Variants in LMO7 observed in about 807,000 individuals in gnomAD.
LMO7 encodes the protein LIM domain 7.
A neutral mutation model predicts 206.5 loss-of-function variants in LMO7; 120 were observed. The ratio of observed to expected loss-of-function variants is 0.58; its 90% CI spans 0.50 to 0.68. LMO7 has a LOEUF of 0.68. LMO7 is among the 30% of genes least tolerant of loss of function. LMO7 has a pLI of 0.00. For missense variants in LMO7, 1,959 were observed against 1,957.9 expected, an observed-to-expected ratio of 1.00 and a Z score of -0.01; for synonymous variants, 706 against 681.5, an observed-to-expected ratio of 1.04 and a Z score of -0.56.
chr13:75,700,030 G>A (rs1053467241), intron 1 of LMO7, among the ~76,000 whole-genome samples: 8 of 152,168 alleles, frequency 5.3e-5, no homozygotes, highest in African/African-American at 9.7e-5. Flanking sequence ...TCTCCTATTC[G>A]CTTTTACAAG....
At chr13:75,826,147 C>T (rs1334282003) in intron 15 of LMO7, among the ~76,000 whole-genome samples, 1 of 151,974 alleles carries the variant, frequency 6.6e-6, no homozygotes, top group Non-Finnish European at 1.5e-5. Context: ...CTGAAGCAAT[C>T]CTCCCACCTT....
chr13:75,787,921 A>C (rs1364788294), intron 4 of LMO7, among the ~76,000 whole-genome samples: 1 of 152,228 alleles, frequency 6.6e-6, no homozygotes, highest in Non-Finnish European at 1.5e-5. Context: ...TTTTATTCAC[A>C]TATCTCTTGT....
chr13:75,847,144 T>C (rs2060069030), intron 26 of LMO7, among the ~76,000 whole-genome samples: 1 of 152,160 alleles, frequency 6.6e-6, no homozygotes, highest in African/African-American at 2.4e-5. Context: ...TGCTCATTGC[T>C]TAGTGGAAGA....
chr13:75,726,965 G>C lies in LMO7; in HGVS notation c.141-64G>C, dbSNP rs114238530. 2,700 of 888,414 alleles carry C rather than the reference G, an allele frequency of 3.0e-3. 36 individuals are homozygous for C. In the African/African-American group the frequency reaches 0.04, roughly 13 times the overall value. 55.0% of individuals were successfully genotyped at this position (888,414 alleles called of 1,614,324 possible). A position where few individuals can be genotyped will look rare whatever the true frequency, so the allele number is the denominator to read the frequency against. On this transcript the variant is annotated intron_variant, in intron 2 of 30. Coordinates refer to ENST00000377534, the MANE Select transcript of LMO7 (RefSeq NM_001306080.2). Reference sequence around the variant, plus strand: ...GAATAGTGATATATGTGATTTTTGAGAATGCTAACAAAAAACCTGATATTG... The same window carrying C: ...GAATAGTGATATATGTGATTTTTGACAATGCTAACAAAAAACCTGATATTG...
intron 4 of LMO7, among the ~76,000 whole-genome samples, chr13:75,772,731 A>G (rs548029414): frequency 1.3e-5 from 2 of 152,246 alleles, no homozygotes; most frequent in African/African-American, 4.8e-5. Context: ...CAGACATGGT[A>G]ATAAGGAAGT....
chr13:75,633,120 C>T (rs2138848166), upstream of LMO7, among the ~76,000 whole-genome samples: 1 of 152,206 alleles, frequency 6.6e-6, no homozygotes, highest in Middle Eastern at 3.4e-3. Flanking sequence ...GCCTCGGCCT[C>T]CCAAAGCGCT....
upstream of LMO7, chr13:75,632,135 T>G (rs1240552659): frequency 6.6e-6 from 1 of 152,214 alleles, no homozygotes; most frequent in African/African-American, 2.4e-5. Context: ...TTTTGATGTT[T>G]TATTGTTGTG....
At chr13:75,737,772 T>TGAAAA (rs1297459603) in intron 3 of LMO7, among the ~76,000 whole-genome samples, 1 of 5,810 alleles carries the variant, frequency 1.7e-4, no homozygotes. Flanking sequence ...AAAAATAAAA[T>TGAAAA]AAAATAAAAT....
At chr13:75,830,727 A>G (rs1055466010) in intron 15 of LMO7, among the ~76,000 whole-genome samples, 2 of 152,192 alleles carry the variant, frequency 1.3e-5, no homozygotes, top group African/African-American at 4.8e-5. Flanking sequence ...TAGTATGTCC[A>G]ATCTAATAGA....
At chr13:75,673,868 A>G (rs2039793520) in intron 1 of LMO7, among the ~76,000 whole-genome samples, 1 of 152,226 alleles carries the variant, frequency 6.6e-6, no homozygotes, top group Non-Finnish European at 1.5e-5. Context: ...TTTTGTATGT[A>G]TGTTTTAAAG....
At chr13:75,713,318 G>A (rs2043271692) in intron 2 of LMO7, 66 bp downstream of exon 2, 3 of 1,195,752 alleles carry the variant, frequency 2.5e-6, no homozygotes, top group Admixed American at 2.0e-5. Flanking sequence ...GAGTGATGAG[G>A]TGTTTGGCTC....
intron 1 of LMO7, among the ~76,000 whole-genome samples, chr13:75,662,090 G>A (rs1376740502): frequency 1.3e-5 from 2 of 152,266 alleles, no homozygotes; most frequent in African/African-American, 4.8e-5. Context: ...TCAGTCATAT[G>A]TTAAACTTTA....
chr13:75,709,324 T>G lies in LMO7; in HGVS notation c.70-3858T>G, dbSNP rs553206900. ...TTGGGTATATACCCAGTAATGGGAT[T>G]GCTGGGTCAAATGGTATTTCTACTT... On this transcript the variant is annotated intron_variant, in intron 1 of 30. Transcript: ENST00000377534. 9.5e-4 allele frequency among the ~76,000 whole-genome samples: 145 copies of G among 152,322 alleles called. 1 individual carries two copies. The highest frequency in any genetic ancestry group is 3.4e-3 in the African/African-American group (142 of 41,550).
chr13:75,752,447 A>C (rs2047349348), intron 3 of LMO7, among the ~76,000 whole-genome samples: 1 of 152,146 alleles, frequency 6.6e-6, no homozygotes, highest in African/African-American at 2.4e-5. Flanking sequence ...AACATTTAAA[A>C]AAATTTATAT....
intron 1 of LMO7, among the ~76,000 whole-genome samples, chr13:75,691,529 C>T (rs912835327): frequency 2.0e-5 from 3 of 152,126 alleles, no homozygotes; most frequent in African/African-American, 7.2e-5. Flanking sequence ...CCCATGCTTC[C>T]TCCTGGGCCT....
In LMO7 at chr13:75,823,863, C is replaced by G; in HGVS notation, c.2939C>G (p.Ser980Ter). Reference sequence around the variant, plus strand: ...GAAATCTCCCCACAAAGAGAAGTCTCAAGATCCCAGGTGAGTTTGGAAAAG... The same window carrying G: ...GAAATCTCCCCACAAAGAGAAGTCTGAAGATCCCAGGTGAGTTTGGAAAAG... ...EGEISPQREV[S>*]RSQDQFSDMR... The change falls in exon 15 of 31, where the codon TCA becomes TGA. Residue 980 changes from serine (S) to a stop codon, truncating the protein, a stop_gained. Coordinates refer to ENST00000377534, the MANE Select transcript of LMO7 (RefSeq NM_001306080.2). LOFTEE classifies it high-confidence loss of function. 6.2e-7 allele frequency: 1 copy of G among 1,613,528 alleles called. No individual in the cohort carries two copies.
intron 1 of LMO7, among the ~76,000 whole-genome samples, chr13:75,686,356 G>C (rs114594426): frequency 2.8e-4 from 42 of 152,134 alleles, no homozygotes; most frequent in Middle Eastern, 3.4e-3. Flanking sequence ...ATCAGATCTC[G>C]TGAGACTTAA....
intron 1 of LMO7, among the ~76,000 whole-genome samples, chr13:75,683,013 T>C (rs1456688666): frequency 2.0e-5 from 3 of 152,182 alleles, no homozygotes; most frequent in South Asian, 4.1e-4. Flanking sequence ...ACAAGTCTTT[T>C]ATCAGATATG....
At chr13:75,837,682 C>T (rs1436290840) in intron 19 of LMO7, among the ~76,000 whole-genome samples, 1 of 151,922 alleles carries the variant, frequency 6.6e-6, no homozygotes, top group African/African-American at 2.4e-5. Flanking sequence ...TTTGATCTTT[C>T]TTTGGGTATC....
Sources: allele counts gnomAD v4.1 joint callset (sites outside exome capture counted in the v4.1 genomes callset), GRCh38; gene constraint gnomAD v4.1.1; transcripts MANE v1.5; gene names NCBI Gene and HGNC (gene_info 2026-07-23, HGNC 2026-07-21).